Variants in EGFR observed in about 807,000 individuals in gnomAD.
EGFR encodes the protein epidermal growth factor receptor.
A neutral mutation model predicts 143.0 loss-of-function variants in EGFR; 58 were observed. That is an observed-to-expected ratio of 0.41 (90% CI 0.33 to 0.50). The LOEUF (loss-of-function observed/expected upper bound fraction) is 0.50. Among genes scored for constraint, EGFR ranks in the 20% least tolerant of loss-of-function variants. The pLI, the probability that EGFR is intolerant of heterozygous loss-of-function variation, is 0.39. For missense variants in EGFR, 1,307 were observed against 1,579.0 expected (o/e 0.83, Z 2.92); for synonymous variants, 613 against 594.4 (o/e 1.03, Z -0.45).
intron 1 of EGFR, among the ~76,000 whole-genome samples, chr7:55,035,523 C>CA (rs796083510): frequency 0.039 from 4,988 of 128,922 alleles, 108 homozygotes; most frequent in Non-Finnish European, 0.053. Context: ...AAAAAAAAAA[C>CA]AAAAAAAAAA....
rs554655277 is a variant in EGFR at position 55,073,381 on chromosome 7, C to T, written c.88+54016C>T. ...TTTTTTGTGACTATAGAATGATTCT[C>T]AGAAGACTTTCAGGCAGTATGTGGG... On this transcript the variant is annotated intron_variant, in intron 1 of 27. Coordinates refer to ENST00000275493, the MANE Select transcript of EGFR (RefSeq NM_005228.5). Among the ~76,000 whole-genome samples the T allele has an allele frequency of 2.0e-5, 3 of 152,250 alleles. No individual in the cohort carries two copies. The East Asian group carries it at 5.8e-4, about 29-fold the overall frequency.
intron 22 of EGFR, among the ~76,000 whole-genome samples, chr7:55,194,792 G>A (rs1477905496): frequency 2.0e-5 from 3 of 152,212 alleles, no homozygotes; most frequent in Non-Finnish European, 4.4e-5. Flanking sequence ...AAAACATTGT[G>A]TGTTTTCAAC....
At position 55,202,568 on chromosome 7, in the gene EGFR, G is replaced by C. The variant is rs1787896241; in HGVS notation, c.3214G>C (p.Asp1072His). 6.2e-7 allele frequency: 1 copy of C among 1,613,412 alleles called. No individual in the cohort carries two copies. ...EDSFLQRYSS[D>H]PTGALTEDSI... ...CAGCTTCTTGCAGCGATACAGCTCA[G>C]ACCCCACAGGCGCCTTGACTGAGGA... is the stretch of plus-strand genomic sequence containing the variant. Residue 1072 changes from aspartate to histidine, a missense_variant, in exon 27 of 28, where the codon GAC becomes CAC. This residue lies in a region of EGFR where 313 missense variants were observed against 312.3 expected (regional missense o/e 1.00). Coordinates refer to ENST00000275493, the MANE Select transcript of EGFR (RefSeq NM_005228.5).
At chr7:55,157,781 A>C in intron 11 of EGFR, 28 bp downstream of exon 11, 1 of 1,610,382 alleles carries the variant, frequency 6.2e-7, no homozygotes, top group Non-Finnish European at 8.5e-7. Context: ...AAAGCCTGGT[A>C]GATTACATTT....
intron 1 of EGFR, among the ~76,000 whole-genome samples, chr7:55,058,054 CA>C (rs1456770034): frequency 7.2e-5 from 11 of 152,222 alleles, no homozygotes; most frequent in Non-Finnish European, 1.5e-4. Flanking sequence ...TTTGACCCAC[CA>C]ATCTCATTAC....
chr7:55,202,746 CA>C, intron 27 of EGFR, 121 bp downstream of exon 27: 1 of 870,926 alleles, frequency 1.1e-6, no homozygotes, highest in Admixed American at 2.0e-5. Flanking sequence ...GAAACAGTGG[CA>C]GATTTGCAGA....
At chr7:55,200,500 C>A (rs2128970211) in intron 24 of EGFR, 87 bp downstream of exon 24, 1 of 1,334,436 alleles carries the variant, frequency 7.5e-7, no homozygotes, top group Non-Finnish European at 1.1e-6. Flanking sequence ...GCCAGCCTGG[C>A]CTCCCTGTGT....
intron 20 of EGFR, chr7:55,189,021 T>C (rs539946991): frequency 1.3e-5 from 2 of 152,154 alleles, no homozygotes; most frequent in East Asian, 3.9e-4. Flanking sequence ...ATTTGTTAGA[T>C]TGACAGAGTG....
chr7:55,085,017 T>C (rs1790672792), intron 1 of EGFR, among the ~76,000 whole-genome samples: 1 of 152,176 alleles, frequency 6.6e-6, no homozygotes, highest in Non-Finnish European at 1.5e-5. Context: ...TGGAATGACC[T>C]ACGGAATGGT....
At chr7:55,108,780 A>C (rs1401666647) in intron 1 of EGFR, among the ~76,000 whole-genome samples, 5 of 152,076 alleles carry the variant, frequency 3.3e-5, no homozygotes, top group African/African-American at 1.2e-4. Flanking sequence ...AATCTGTAGG[A>C]CTCCAGGTGG....
At chr7:55,178,865 T>G (rs1320394482) in intron 19 of EGFR, among the ~76,000 whole-genome samples, 1 of 152,250 alleles carries the variant, frequency 6.6e-6, no homozygotes, top group Non-Finnish European at 1.5e-5. Context: ...TTGTCTTGAA[T>G]GCAAGTGGCC....
intron 1 of EGFR, among the ~76,000 whole-genome samples, chr7:55,102,994 A>G (rs1791915803): frequency 6.6e-6 from 1 of 152,262 alleles, no homozygotes; most frequent in Non-Finnish European, 1.5e-5. Flanking sequence ...TAGATTTTAA[A>G]AATACTTCTG....
chr7:55,197,965 T>G (rs1787687864), intron 22 of EGFR, among the ~76,000 whole-genome samples: 1 of 152,234 alleles, frequency 6.6e-6, no homozygotes, highest in Non-Finnish European at 1.5e-5. Context: ...GTTTTCTTTT[T>G]TTGTTGTATC....
chr7:55,131,186 G>A (rs1793809651), intron 1 of EGFR, among the ~76,000 whole-genome samples: 1 of 152,130 alleles, frequency 6.6e-6, no homozygotes, highest in African/African-American at 2.4e-5. Flanking sequence ...TCCAAACCAT[G>A]GACTCCACTG....
intron 1 of EGFR, among the ~76,000 whole-genome samples, chr7:55,081,677 C>T (rs1790469884): frequency 6.6e-6 from 1 of 151,836 alleles, no homozygotes; most frequent in Non-Finnish European, 1.5e-5. Context: ...CATCACTGCA[C>T]AATTCATCAG....
At chr7:55,031,858 A>G (rs1257465760) in intron 1 of EGFR, among the ~76,000 whole-genome samples, 2 of 152,172 alleles carry the variant, frequency 1.3e-5, no homozygotes, top group African/African-American at 4.8e-5. Flanking sequence ...AAATATTAGC[A>G]TTCCTCTGAC....
At chr7:55,091,883 CACACACA>C (rs756978404) in intron 1 of EGFR, among the ~76,000 whole-genome samples, 21,376 of 147,286 alleles carry the variant, frequency 0.15, 1,678 homozygotes, top group Middle Eastern at 0.18. Context: ...CACACACACA[CACACACA>C]CCCTGAGAGA....
intron 1 of EGFR, among the ~76,000 whole-genome samples, chr7:55,033,597 C>T (rs992639945): frequency 6.6e-6 from 1 of 152,174 alleles, no homozygotes; most frequent in African/African-American, 2.4e-5. Context: ...GACAGCCTTC[C>T]AACTAGGGGA....
intron 1 of EGFR, among the ~76,000 whole-genome samples, chr7:55,104,455 G>T (rs550336807): frequency 6.6e-6 from 1 of 152,282 alleles, no homozygotes; most frequent in South Asian, 2.1e-4. Flanking sequence ...CTATTGGCTG[G>T]ATGACCTTGG....
Sources: gnomAD v4.1 joint callset for allele counts (sites outside exome capture counted in the v4.1 genomes callset) on GRCh38, gnomAD v4.1.1 for gene constraint, gnomAD v4.1.1 regional missense constraint, MANE v1.5 for transcripts, NCBI Gene and HGNC (gene_info 2026-07-23, HGNC 2026-07-21) for gene names.